The following TLN2 variants were observed in gnomAD, a reference collection of about 807,000 sequenced individuals.
TLN2 encodes the protein talin 2, also known as talin-2.
A neutral mutation model predicts 294.7 loss-of-function variants in TLN2; 118 were observed. The observed-to-expected ratio is 0.40, with a 90% confidence interval of 0.34 to 0.47. TLN2 has a LOEUF of 0.47. Ranked by LOEUF, TLN2 falls within the 20% of genes least tolerant of loss-of-function variation. The probability of loss-of-function intolerance (pLI) is 0.84; values close to 1 mark genes in which losing one functional copy is unlikely to be tolerated. For synonymous variants in TLN2, 1,431 were observed against 1,304.5 expected, an observed-to-expected ratio of 1.10 and a Z score of -2.09; for missense variants, 3,083 against 3,282.2, an observed-to-expected ratio of 0.94 and a Z score of 1.48.
At chr15:62,803,677 C>T (rs550754586) in intron 50 of TLN2, among the ~76,000 whole-genome samples, 3 of 152,292 alleles carry the variant, frequency 2.0e-5, no homozygotes, top group African/African-American at 7.2e-5. Context: ...AATTTCTTTG[C>T]TAAATTCATC....
chr15:62,800,084 C>T (rs531718274), intron 48 of TLN2, among the ~76,000 whole-genome samples: 7 of 152,342 alleles, frequency 4.6e-5, no homozygotes, highest in Admixed American at 4.6e-4. Flanking sequence ...AGAGGCAGCT[C>T]ATCGGCCAAG....
At chr15:62,471,231 G>A (rs1430812671) in intron 1 of TLN2, among the ~76,000 whole-genome samples, 1 of 152,144 alleles carries the variant, frequency 6.6e-6, no homozygotes, top group African/African-American at 2.4e-5. Flanking sequence ...CAGCTACTCG[G>A]GGGACTGAGA....
intron 1 of TLN2, among the ~76,000 whole-genome samples, chr15:62,437,015 C>T (rs576695307): frequency 7.7e-4 from 118 of 152,390 alleles, no homozygotes; most frequent in African/African-American, 2.6e-3. Context: ...AGGCGTGAGC[C>T]ACTGTGCCCA....
chr15:62,651,494 T>C (rs944545530), intron 5 of TLN2, among the ~76,000 whole-genome samples: 4 of 152,180 alleles, frequency 2.6e-5, no homozygotes, highest in Non-Finnish European at 5.9e-5. Flanking sequence ...AGAATATAGA[T>C]AGATTGTATA....
chr15:62,537,546 A>G (rs1159729947), intron 1 of TLN2, among the ~76,000 whole-genome samples: 2 of 152,196 alleles, frequency 1.3e-5, no homozygotes, highest in African/African-American at 4.8e-5. Flanking sequence ...ATATTTATAT[A>G]ACAAATCTAT....
intron 1 of TLN2, among the ~76,000 whole-genome samples, chr15:62,525,849 T>A (rs944271209): frequency 6.6e-6 from 1 of 152,172 alleles, no homozygotes; most frequent in African/African-American, 2.4e-5. Context: ...AGTGTGCCCC[T>A]CATGCGTCTT....
chr15:62,668,308 A>G (rs1348108507), intron 9 of TLN2, among the ~76,000 whole-genome samples: 1 of 152,248 alleles, frequency 6.6e-6, no homozygotes, highest in African/African-American at 2.4e-5. Flanking sequence ...ACTATATATT[A>G]TATGAAAACA....
At position 62,563,756 on chromosome 15, in the gene TLN2, T is replaced by C. The variant is rs577642896; in HGVS notation, c.-237-25931T>C. 1.4e-4 allele frequency among the ~76,000 whole-genome samples: 22 copies of C among 152,350 alleles called. 1 individual carries two copies. Among genetic ancestry groups the C allele is most frequent in the Admixed American group, 1.4e-3 (22 of 15,302 alleles). On this transcript the variant is annotated intron_variant, in intron 1 of 58. Coordinates refer to ENST00000636159, the MANE Select transcript of TLN2 (RefSeq NM_015059.3). Reference sequence around the variant, plus strand: ...CTCTCCCGTTGGGCACAGTGACCTGTCATCCTGCGAGGGTTGGCTTCACTG... The same window carrying C: ...CTCTCCCGTTGGGCACAGTGACCTGCCATCCTGCGAGGGTTGGCTTCACTG...
chr15:62,625,921 C>A (rs1358017078), intron 3 of TLN2, among the ~76,000 whole-genome samples: 2 of 152,098 alleles, frequency 1.3e-5, no homozygotes, highest in Admixed American at 6.5e-5. Flanking sequence ...TAGAGGGGGA[C>A]TGGGGATGTC....
At chr15:62,708,400 C>G (rs560745378) in intron 20 of TLN2, 102 bp from the exon 21 acceptor site, 10 of 1,241,648 alleles carry the variant, frequency 8.1e-6, no homozygotes, top group Non-Finnish European at 1.0e-5. Flanking sequence ...AGTAAGAAAC[C>G]GAGGCCCAGA....
Position 62,752,291 on chromosome 15 carries a change from CGTTT to C in TLN2, c.4210-9_4210-6del. 4 of 1,613,422 alleles carry C rather than the reference CGTTT, an allele frequency of 2.5e-6. No individual in the cohort carries two copies. The Middle Eastern group carries it at 6.6e-4, about 266-fold the overall frequency. The stretch of plus-strand genomic sequence containing the variant: ...ATGCTGGATAGAGAATGTTGCTGGC[CGTTT>C]GTTTTGCAGGTTCTGGGTGAATCGA... On this transcript the variant is annotated splice_polypyrimidine_tract_variant and intron_variant, in intron 34 of 58. Coordinates refer to ENST00000636159, the MANE Select transcript of TLN2 (RefSeq NM_015059.3).
chr15:62,393,349 G>A (rs1026384806), intron 1 of TLN2, among the ~76,000 whole-genome samples: 2 of 152,120 alleles, frequency 1.3e-5, no homozygotes, highest in African/African-American at 2.4e-5. Flanking sequence ...TTCTGTACAG[G>A]CATAGGCTAT....
chr15:62,652,188 C>G (rs2052666057), intron 6 of TLN2, 54 bp downstream of exon 6: 12 of 1,447,810 alleles, frequency 8.3e-6, no homozygotes, highest in African/African-American at 1.4e-5. Flanking sequence ...TAATTACAGG[C>G]CTCTTCTTTT....
At chr15:62,541,707 A>C (rs1025945931) in intron 1 of TLN2, among the ~76,000 whole-genome samples, 1 of 152,090 alleles carries the variant, frequency 6.6e-6, no homozygotes, top group African/African-American at 2.4e-5. Context: ...GCTTCCTGAA[A>C]TGTTTTGTGA....
intron 54 of TLN2, chr15:62,831,094 T>G (rs2141243398): frequency 6.7e-6 from 1 of 149,186 alleles, no homozygotes; most frequent in South Asian, 2.1e-4. Flanking sequence ...GCTCGTAAAA[T>G]CAGTTGTGAT....
At chr15:62,441,417 A>T (rs2035537905) in intron 1 of TLN2, among the ~76,000 whole-genome samples, 1 of 152,164 alleles carries the variant, frequency 6.6e-6, no homozygotes, top group African/African-American at 2.4e-5. Flanking sequence ...TGTGAGCTTC[A>T]TGTGAATCCA....
intron 9 of TLN2, among the ~76,000 whole-genome samples, chr15:62,670,932 C>G (rs1404329912): frequency 6.6e-6 from 1 of 152,196 alleles, no homozygotes; most frequent in African/African-American, 2.4e-5. Context: ...TTCTCTATGC[C>G]TTTGTCAACA....
chr15:62,646,701 A>T (rs897550526), intron 3 of TLN2, among the ~76,000 whole-genome samples: 4 of 152,150 alleles, frequency 2.6e-5, no homozygotes, highest in Non-Finnish European at 5.9e-5. Flanking sequence ...TTTGTGAAGA[A>T]ATTGAGGCAG....
chr15:62,551,995 C>G (rs952127436), intron 1 of TLN2, among the ~76,000 whole-genome samples: 1 of 152,174 alleles, frequency 6.6e-6, no homozygotes, highest in African/African-American at 2.4e-5. Flanking sequence ...AAAACATTGA[C>G]TTTATTCGTC....
Sources: gnomAD v4.1 joint callset for allele counts (sites outside exome capture counted in the v4.1 genomes callset) on GRCh38, gnomAD v4.1.1 for gene constraint, MANE v1.5 for transcripts, NCBI Gene and HGNC (gene_info 2026-07-23, HGNC 2026-07-21) for gene names.